The following TBXAS1 variants were observed in gnomAD, a reference collection of about 807,000 sequenced individuals.
TBXAS1 encodes the protein thromboxane-A synthase.
In TBXAS1, 48 loss-of-function variants were observed where a neutral mutation model predicts 60.7. The ratio of observed to expected loss-of-function variants is 0.79; its 90% CI spans 0.63 to 1.01. The LOEUF (loss-of-function observed/expected upper bound fraction) is 1.01. Among genes scored for constraint, TBXAS1 ranks in the 50% least tolerant of loss-of-function variants. The pLI, the probability that TBXAS1 is intolerant of heterozygous loss-of-function variation, is 0.00. For missense variants in TBXAS1, 685 were observed against 686.3 expected (o/e 1.00, Z 0.02); for synonymous variants, 287 against 269.7 (o/e 1.06, Z -0.63).
rs1309747072 is a variant in TBXAS1, at chr7:139,959,414, G to C, written c.819+1650G>C. ...GTGGATTAGACACCTACATCTATCA[G>C]GGTGCGTATTTTCCTTGGATAGGAC... On this transcript the variant is annotated intron_variant, in intron 8 of 12. Transcript: ENST00000448866. Among the ~76,000 whole-genome samples, 3 of 152,276 alleles carry C rather than the reference G, an allele frequency of 2.0e-5. No individual in the cohort carries two copies. The East Asian group carries it at 5.8e-4, about 29-fold the overall frequency.
intron 3 of TBXAS1, among the ~76,000 whole-genome samples, chr7:139,898,607 G>A (rs1007905192): frequency 3.3e-5 from 5 of 151,942 alleles, no homozygotes; most frequent in Admixed American, 2.0e-4. Flanking sequence ...CACTACGCCC[G>A]GCCTGTGCAT....
At chr7:139,833,462 G>A (rs909892419) in intron 1 of TBXAS1, among the ~76,000 whole-genome samples, 40 of 142,390 alleles carry the variant, frequency 2.8e-4, no homozygotes, top group African/African-American at 1.0e-3. Context: ...TCAGGAGTTC[G>A]TGACCAGTGT....
chr7:139,857,840 C>T (rs1349834128), intron 1 of TBXAS1, among the ~76,000 whole-genome samples: 1 of 151,844 alleles, frequency 6.6e-6, no homozygotes, highest in Admixed American at 6.6e-5. Flanking sequence ...AAGTGATCCT[C>T]CTGCCTCAGC....
At chr7:139,923,365 G>T (rs1806631545) in intron 4 of TBXAS1, among the ~76,000 whole-genome samples, 1 of 151,974 alleles carries the variant, frequency 6.6e-6, no homozygotes, top group Non-Finnish European at 1.5e-5. Flanking sequence ...AACAGAGAGA[G>T]ATGGCGGTAT....
At chr7:139,836,856 C>A (rs1438070642) in intron 1 of TBXAS1, among the ~76,000 whole-genome samples, 1 of 152,252 alleles carries the variant, frequency 6.6e-6, no homozygotes, top group East Asian at 1.9e-4. Flanking sequence ...GCAAAAGGAA[C>A]AGTCAGCAGA....
At chr7:139,797,798 C>T (rs1366257008) in intron 4 of TBXAS1, among the ~76,000 whole-genome samples, 2 of 152,158 alleles carry the variant, frequency 1.3e-5, no homozygotes, top group African/African-American at 4.8e-5. Context: ...TTCAAACTTC[C>T]CTCAAAAAAG....
At chr7:139,790,253 T>C (rs1569490217) in intron 4 of TBXAS1, among the ~76,000 whole-genome samples, 2 of 152,244 alleles carry the variant, frequency 1.3e-5, no homozygotes, top group African/African-American at 2.4e-5. Context: ...AAAATGCAAG[T>C]AGGGACCATG....
At position 139,929,725 on chromosome 7, in the gene TBXAS1, A is replaced by G. The variant is rs544024531; in HGVS notation, c.334-6466A>G. ...CTTTCTCTCTCCCACCTCATATCCA[A>G]TCCATCAGGAAATCCTGTTGGCTCT... On this transcript the variant is annotated intron_variant, in intron 4 of 12. Coordinates refer to ENST00000448866, the MANE Select transcript of TBXAS1 (RefSeq NM_001061.7). Among the ~76,000 whole-genome samples the G allele has an allele frequency of 5.6e-4, 85 of 152,098 alleles. 1 individual carries two copies. The highest frequency in any genetic ancestry group is 1.1e-3 in the Non-Finnish European group (77 of 68,034).
At chr7:139,900,451 C>T (rs1357386951) in intron 3 of TBXAS1, among the ~76,000 whole-genome samples, 3 of 152,184 alleles carry the variant, frequency 2.0e-5, no homozygotes, top group Non-Finnish European at 4.4e-5. Flanking sequence ...ACATTCACAC[C>T]TTTGTGCAAT....
chr7:139,805,740 TTCTTTCTTTCTTTCTTG>T (rs1797855475), intron 4 of TBXAS1, among the ~76,000 whole-genome samples: 1 of 128,108 alleles, frequency 7.8e-6, no homozygotes, highest in Non-Finnish European at 1.7e-5. Flanking sequence ...CTTTCTTTCT[TTCTTTCTTTCTTTCTTG>T]TCTTTCTTTC....
chr7:139,854,325 G>A (rs1232258643), intron 1 of TBXAS1, among the ~76,000 whole-genome samples: 1 of 152,148 alleles, frequency 6.6e-6, no homozygotes, highest in Non-Finnish European at 1.5e-5. Context: ...GGACAGAGAT[G>A]ACTTACAGTG....
At chr7:139,998,555 C>CA (rs1234107465) in intron 9 of TBXAS1, among the ~76,000 whole-genome samples, 1 of 152,084 alleles carries the variant, frequency 6.6e-6, no homozygotes. Flanking sequence ...GGTTTTTTTT[C>CA]ATCTATAAAA....
upstream of TBXAS1, among the ~76,000 whole-genome samples, chr7:139,826,006 T>C (rs1385110236): frequency 6.6e-6 from 1 of 152,238 alleles, no homozygotes; most frequent in Non-Finnish European, 1.5e-5. Context: ...TTATTTCACC[T>C]TGGCATCCTT....
chr7:140,015,641 C>CA, intron 10 of TBXAS1, 82 bp from the exon 11 acceptor site: 1 of 1,524,730 alleles, frequency 6.6e-7, no homozygotes, highest in Non-Finnish European at 9.0e-7. Context: ...CCTTCACACT[C>CA]AGACTCTGCC....
At chr7:139,789,836 G>A (rs1350327373) in intron 4 of TBXAS1, among the ~76,000 whole-genome samples, 1 of 152,022 alleles carries the variant, frequency 6.6e-6, no homozygotes, top group African/African-American at 2.4e-5. Context: ...TTGCCATGTT[G>A]GCCAGGCTGG....
chr7:139,936,298 G>C lies in TBXAS1; in HGVS notation c.441G>C (p.Lys147Asn), dbSNP rs142359181. 1.3e-5 allele frequency: 21 copies of C among 1,614,164 alleles called. No homozygotes were observed. In the African/African-American group the frequency reaches 2.7e-4, roughly 20 times the overall value. Residue 147 changes from lysine to asparagine, a missense_variant, in exon 5 of 13, where the codon AAG (lysine) becomes AAC (asparagine). Physicochemically the swap from Lys to Asn is moderately conservative, Grantham distance 94. Transcript: ENST00000448866. ...GALMSAFSPE[K>N]LNEMVPLISQ... ...TGATGTCTGCTTTCAGTCCTGAAAA[G>C]CTGAACGAGGTAAGACATGAGAAAT... is the stretch of plus-strand genomic sequence containing the variant.
In TBXAS1 at chr7:139,936,222, A is replaced by G. The variant is rs369045472; in HGVS notation, c.365A>G (p.Asp122Gly). Reference protein sequence around the residue: ...ASGLEFKSVADSVLFLRDKRW... With the variant: ...ASGLEFKSVAGSVLFLRDKRW... Reference sequence around the variant, plus strand: ...GGTTTGGAGTTCAAGTCGGTAGCCGACAGCGTTCTGTTTTTACGTGACAAA... The same window carrying G: ...GGTTTGGAGTTCAAGTCGGTAGCCGGCAGCGTTCTGTTTTTACGTGACAAA... The change falls in exon 5 of 13, where the codon GAC (aspartate) becomes GGC (glycine). Residue 122 changes from aspartate (D) to glycine (G), a missense_variant. Transcript: ENST00000448866. 5.0e-6 allele frequency: 8 copies of G among 1,614,080 alleles called. No homozygotes were observed. The highest frequency in any genetic ancestry group is 1.3e-5 in the African/African-American group (1 of 74,912).
chr7:139,819,416 C>A (rs1329849452), intron 4 of TBXAS1, among the ~76,000 whole-genome samples: 2 of 152,192 alleles, frequency 1.3e-5, no homozygotes, highest in South Asian at 2.1e-4. Flanking sequence ...GACAGACACA[C>A]TTCTGTAGTG....
intron 1 of TBXAS1, among the ~76,000 whole-genome samples, chr7:139,867,894 T>A (rs1293482621): frequency 1.3e-5 from 2 of 151,816 alleles, no homozygotes; most frequent in African/African-American, 4.8e-5. Context: ...ATACAGGAAA[T>A]TTTCCAGCCT....
Sources: gnomAD v4.1 joint callset for allele counts (sites outside exome capture counted in the v4.1 genomes callset) on GRCh38, gnomAD v4.1.1 for gene constraint, MANE v1.5 for transcripts, NCBI Gene and HGNC (gene_info 2026-07-23, HGNC 2026-07-21) for gene names.